LINGO2: variants seen among roughly 807,000 people sequenced by gnomAD.
LINGO2 encodes leucine-rich repeat and immunoglobulin-like domain-containing nogo receptor-interacting protein 2.
Under a neutral mutation model 30.6 loss-of-function variants are expected in LINGO2, and 14 were observed. That is an observed-to-expected ratio of 0.46 (90% CI 0.30 to 0.72). LINGO2 has a LOEUF of 0.72. LINGO2 is among the 30% of genes least tolerant of loss of function. The probability of loss-of-function intolerance (pLI) is 0.07; values close to 1 mark genes in which losing one functional copy is unlikely to be tolerated. For missense variants in LINGO2, 729 were observed against 751.7 expected (o/e 0.97, Z 0.35); for synonymous variants, 317 against 288.5 (o/e 1.10, Z -1.00).
the LINGO2 span, among the ~76,000 whole-genome samples, chr9:29,192,001 T>C: frequency 1.3e-5 from 2 of 152,130 alleles, no homozygotes; most frequent in East Asian, 1.9e-4. Flanking sequence ...GCAACATTAA[T>C]GTAAAATACC....
At chr9:28,028,969 C>T (rs1303563910) in intron 4 of LINGO2, among the ~76,000 whole-genome samples, 1 of 152,126 alleles carries the variant, frequency 6.6e-6, no homozygotes, top group Non-Finnish European at 1.5e-5. Flanking sequence ...TCAAACACTG[C>T]ACAGACAACT....
chr9:28,080,362 AC>A (rs1825740168), intron 4 of LINGO2, among the ~76,000 whole-genome samples: 1 of 152,092 alleles, frequency 6.6e-6, no homozygotes, highest in Admixed American at 6.6e-5. Context: ...ACTAGAATCA[AC>A]TCACGCTGGC....
chr9:29,017,827 C>G, the LINGO2 span, among the ~76,000 whole-genome samples: 1 of 151,906 alleles, frequency 6.6e-6, no homozygotes, highest in Non-Finnish European at 1.5e-5. Flanking sequence ...AGTCTCTAGA[C>G]TGACACGGAG....
At chr9:28,813,069 TA>T in the LINGO2 span, among the ~76,000 whole-genome samples, 106,556 of 144,206 alleles carry the variant, frequency 0.74, 39,180 homozygotes, top group East Asian at 0.88. Context: ...CCTACTGCAG[TA>T]AAAAAAAAAA....
intron 1 of LINGO2, among the ~76,000 whole-genome samples, chr9:28,561,472 C>T (rs982586245): frequency 1.3e-5 from 2 of 150,500 alleles, no homozygotes; most frequent in African/African-American, 4.9e-5. Context: ...AGATTTGTCC[C>T]TGTTTCTATA....
At chr9:28,711,540 A>G in the LINGO2 span, among the ~76,000 whole-genome samples, 1 of 152,154 alleles carries the variant, frequency 6.6e-6, no homozygotes, top group Non-Finnish European at 1.5e-5. Flanking sequence ...AAGGTTTTCA[A>G]AAAGAACTGA....
the LINGO2 span, among the ~76,000 whole-genome samples, chr9:28,927,518 C>T: frequency 6.6e-6 from 1 of 152,108 alleles, no homozygotes; most frequent in Non-Finnish European, 1.5e-5. Flanking sequence ...ATTTAGTATA[C>T]TGGAGAGATT....
intron 4 of LINGO2, among the ~76,000 whole-genome samples, chr9:28,038,624 C>A (rs7041293): frequency 2.0e-5 from 3 of 150,294 alleles, no homozygotes; most frequent in Admixed American, 6.6e-5. Context: ...ACCCGGGAGG[C>A]GGAGCTTGCA....
intron 2 of LINGO2, among the ~76,000 whole-genome samples, chr9:28,433,550 T>TCA (rs1168622004): frequency 6.6e-6 from 1 of 152,028 alleles, no homozygotes; most frequent in Non-Finnish European, 1.5e-5. Flanking sequence ...AAAGAAATCT[T>TCA]CATTAAAATC....
intron 1 of LINGO2, among the ~76,000 whole-genome samples, chr9:28,539,133 AG>A (rs1343069166): frequency 2.0e-5 from 3 of 152,120 alleles, no homozygotes; most frequent in African/African-American, 7.2e-5. Flanking sequence ...AAGATATAAA[AG>A]AAGATATATT....
the LINGO2 span, among the ~76,000 whole-genome samples, chr9:29,005,815 C>A: frequency 2.0e-5 from 3 of 151,990 alleles, no homozygotes; most frequent in South Asian, 6.2e-4. Flanking sequence ...CTGTTCAAAC[C>A]CATGTTGTTC....
chr9:28,988,353 G>A, the LINGO2 span, among the ~76,000 whole-genome samples: 1 of 151,800 alleles, frequency 6.6e-6, no homozygotes, highest in African/African-American at 2.4e-5. Flanking sequence ...AGCTACCCCT[G>A]CTTTCTTTTG....
chr9:29,086,104 G>A, the LINGO2 span, among the ~76,000 whole-genome samples: 1 of 152,060 alleles, frequency 6.6e-6, no homozygotes, highest in Non-Finnish European at 1.5e-5. Context: ...AGGGAGAGCA[G>A]GAAAATGTGT....
At chr9:28,035,300 G>A (rs917659809) in intron 4 of LINGO2, among the ~76,000 whole-genome samples, 8 of 152,134 alleles carry the variant, frequency 5.3e-5, no homozygotes, top group African/African-American at 1.9e-4. Flanking sequence ...TTCCTTATAG[G>A]ACATATTTTA....
chr9:28,631,786 A>T (rs910506626), intron 1 of LINGO2, among the ~76,000 whole-genome samples: 25 of 152,096 alleles, frequency 1.6e-4, no homozygotes, highest in African/African-American at 5.8e-4. Context: ...ATTCAGACTC[A>T]AATTCATGAT....
chr9:28,245,992 A>C (rs998814785), intron 4 of LINGO2, among the ~76,000 whole-genome samples: 2 of 152,140 alleles, frequency 1.3e-5, no homozygotes, highest in African/African-American at 4.8e-5. Context: ...AGCCAAGACA[A>C]CCCTAAACAA....
the LINGO2 span, among the ~76,000 whole-genome samples, chr9:29,094,524 C>T: frequency 2.9e-5 from 4 of 138,908 alleles, no homozygotes; most frequent in Non-Finnish European, 4.7e-5. Flanking sequence ...TTAAATCTCA[C>T]AGCTAGCATA....
intron 4 of LINGO2, among the ~76,000 whole-genome samples, chr9:28,209,399 C>T (rs1022801279): frequency 5.9e-5 from 9 of 151,862 alleles, no homozygotes; most frequent in African/African-American, 1.9e-4. Context: ...GCTTTAATTT[C>T]CCTTGGGAAT....
chr9:29,169,196 C>A, the LINGO2 span, among the ~76,000 whole-genome samples: 1 of 152,170 alleles, frequency 6.6e-6, no homozygotes, highest in Non-Finnish European at 1.5e-5. Flanking sequence ...GATCCGCCCA[C>A]CTTGGCCTCC....
Sources: allele counts gnomAD v4.1 joint callset (sites outside exome capture counted in the v4.1 genomes callset), GRCh38; gene constraint gnomAD v4.1.1; transcripts MANE v1.5; gene names NCBI Gene and HGNC (gene_info 2026-07-23, HGNC 2026-07-21).